The following WAPL variants were observed in gnomAD, a reference collection of about 807,000 sequenced individuals.
WAPL encodes the protein WAPL cohesin release factor.
In WAPL, 5 loss-of-function variants were observed where a neutral mutation model predicts 121.0. The ratio of observed to expected loss-of-function variants is 0.04; its 90% confidence interval spans 0.02 to 0.09. The LOEUF (loss-of-function observed/expected upper bound fraction) is 0.09, where lower values mean the gene tolerates loss of function less well. Among genes scored for constraint, WAPL ranks in the 10% least tolerant of loss-of-function variants. The pLI, the probability that WAPL is intolerant of heterozygous loss-of-function variation, is 1.00. For synonymous variants in WAPL, 480 were observed against 481.5 expected (o/e 1.00, Z 0.04); for missense variants, 999 against 1,410.8 (o/e 0.71, Z 4.68).
chr10:86,445,044 C>T (rs1327644985), intron 16 of WAPL, among the ~76,000 whole-genome samples: 1 of 152,120 alleles, frequency 6.6e-6, no homozygotes, highest in East Asian at 1.9e-4. Context: ...GTTGCTGCGG[C>T]TTGCTTCCTA....
intron 2 of WAPL, among the ~76,000 whole-genome samples, chr10:86,506,297 C>A (rs540442609): frequency 6.6e-6 from 1 of 152,130 alleles, no homozygotes; most frequent in South Asian, 2.1e-4. Context: ...GGAAGTGATG[C>A]ATGAAAGAAC....
chr10:86,521,145 G>T (rs1389521762), intron 1 of WAPL, among the ~76,000 whole-genome samples: 1 of 152,188 alleles, frequency 6.6e-6, no homozygotes, highest in Admixed American at 6.5e-5. Context: ...CACTTGACTG[G>T]GTTTGGGGAG....
chr10:86,491,143 T>TC (rs1022847948), intron 4 of WAPL, among the ~76,000 whole-genome samples: 5 of 147,022 alleles, frequency 3.4e-5, no homozygotes, highest in Non-Finnish European at 7.5e-5. Flanking sequence ...GTTCTTTTTT[T>TC]TTTTTTTTTT....
At chr10:86,509,248 C>T (rs1307037518) in intron 2 of WAPL, among the ~76,000 whole-genome samples, 1 of 152,152 alleles carries the variant, frequency 6.6e-6, no homozygotes, top group East Asian at 1.9e-4. Flanking sequence ...CCCAATGTAC[C>T]CAAAACTGAA....
chr10:86,459,080 T>C lies in WAPL; in HGVS notation c.2581-15A>G. The C allele has an allele frequency of 2.5e-6, 4 of 1,594,856 alleles. No homozygotes were observed. On this transcript the variant is annotated splice_polypyrimidine_tract_variant and intron_variant, in intron 11 of 18. Coordinates refer to ENST00000298767, the MANE Select transcript of WAPL (RefSeq NM_015045.5). ...TGCACAGTTACCTAAAAAGGAAGAATATGAAATAATTGTGGCAATCCAAAA... is the reference window on the plus strand; with the variant it reads ...TGCACAGTTACCTAAAAAGGAAGAACATGAAATAATTGTGGCAATCCAAAA...
chr10:86,475,837 T>C (rs1463712156), intron 4 of WAPL, among the ~76,000 whole-genome samples: 1 of 152,216 alleles, frequency 6.6e-6, no homozygotes. Context: ...ACAACAGCCT[T>C]TTGGCAAGAA....
At chr10:86,483,973 C>T (rs1034604642) in intron 4 of WAPL, among the ~76,000 whole-genome samples, 3 of 151,436 alleles carry the variant, frequency 2.0e-5, no homozygotes, top group Admixed American at 6.6e-5. Flanking sequence ...CCTGCCTCAA[C>T]TTCCCCAAGT....
chr10:86,517,178 T>G (rs1267556676), intron 2 of WAPL, among the ~76,000 whole-genome samples: 1 of 152,172 alleles, frequency 6.6e-6, no homozygotes, highest in East Asian at 1.9e-4. Context: ...TGGCAGAGAG[T>G]CTACCATTGG....
intron 17 of WAPL, among the ~76,000 whole-genome samples, chr10:86,442,466 TGA>T (rs1849494077): frequency 6.6e-6 from 1 of 152,198 alleles, no homozygotes; most frequent in Admixed American, 6.5e-5. Flanking sequence ...TCCTTTTTCA[TGA>T]GATTAAAGCA....
chr10:86,490,832 G>A (rs1842031252), intron 4 of WAPL, among the ~76,000 whole-genome samples: 1 of 152,060 alleles, frequency 6.6e-6, no homozygotes, highest in African/African-American at 2.4e-5. Flanking sequence ...GGAGGCCGAG[G>A]CAGGTGGATC....
intron 4 of WAPL, among the ~76,000 whole-genome samples, chr10:86,493,031 A>T (rs1033325381): frequency 5.3e-5 from 8 of 151,280 alleles, no homozygotes; most frequent in African/African-American, 1.9e-4. Context: ...ACTGCACTCG[A>T]GCCTGGGTGA....
intron 2 of WAPL, among the ~76,000 whole-genome samples, chr10:86,508,395 C>T (rs533563946): frequency 2.6e-5 from 4 of 152,294 alleles, no homozygotes; most frequent in Admixed American, 6.5e-5. Flanking sequence ...TCTTCCAAAA[C>T]GGTTCTCTTG....
intron 2 of WAPL, among the ~76,000 whole-genome samples, chr10:86,510,985 T>C (rs536769309): frequency 2.4e-5 from 3 of 125,118 alleles, no homozygotes; most frequent in South Asian, 5.1e-4. Flanking sequence ...CCCCAACACA[T>C]CAGGCTAATT....
chr10:86,492,994 G>A (rs1010353404), intron 4 of WAPL, among the ~76,000 whole-genome samples: 3 of 151,698 alleles, frequency 2.0e-5, no homozygotes, highest in Non-Finnish European at 2.9e-5. Flanking sequence ...CCAGGAGGCG[G>A]AGCTTGCAGT....
At chr10:86,500,832 GATCA>G (rs1842234994) in intron 2 of WAPL, 89 bp from the exon 3 acceptor site, 2 of 1,087,810 alleles carry the variant, frequency 1.8e-6, no homozygotes, top group Admixed American at 6.4e-5. Context: ...AATAGTATAT[GATCA>G]ATCTTGGAAG....
chr10:86,513,193 T>G (rs1233481309), intron 2 of WAPL, among the ~76,000 whole-genome samples: 1 of 152,160 alleles, frequency 6.6e-6, no homozygotes, highest in Non-Finnish European at 1.5e-5. Flanking sequence ...GATGGGGGTT[T>G]CACTATGTTG....
chr10:86,443,290 G>A lies in WAPL; in HGVS notation c.3396C>T (p.Leu1132=), dbSNP rs754818422. ...ASYTALLLGC[L]CQESPINVTT... Reference sequence around the variant, plus strand: ...ATGTACTTACTGGACTTTCCTGGCAGAGACACCCAAGAAGTAGTGCTGTGT... The same window carrying A: ...ATGTACTTACTGGACTTTCCTGGCAAAGACACCCAAGAAGTAGTGCTGTGT... The change falls in exon 17 of 19, where the codon CTC becomes CTT. Residue 1132 remains leucine (L), a synonymous_variant. Coordinates refer to ENST00000298767, the MANE Select transcript of WAPL (RefSeq NM_015045.5). The A allele has an allele frequency of 9.9e-6, 16 of 1,613,720 alleles. No homozygotes were observed. The highest frequency in any genetic ancestry group is 1.4e-5 in the Non-Finnish European group (16 of 1,179,844).
intron 4 of WAPL, among the ~76,000 whole-genome samples, chr10:86,486,668 G>C (rs1464598145): frequency 2.6e-5 from 4 of 152,154 alleles, no homozygotes; most frequent in African/African-American, 9.7e-5. Context: ...TGAAAGTAAA[G>C]GTATAGGCTG....
At chr10:86,453,513 C>A (rs1841051982) in intron 13 of WAPL, 143 bp downstream of exon 13, 5 of 1,204,644 alleles carry the variant, frequency 4.2e-6, no homozygotes, top group East Asian at 5.1e-5. Flanking sequence ...CTCTTAAAAG[C>A]AATTTAAACC....
Sources: gnomAD v4.1 joint callset for allele counts (sites outside exome capture counted in the v4.1 genomes callset) on GRCh38, gnomAD v4.1.1 for gene constraint, MANE v1.5 for transcripts, NCBI Gene and HGNC (gene_info 2026-07-23, HGNC 2026-07-21) for gene names.